Variants in TP63 observed in about 807,000 individuals in gnomAD.
The protein encoded by TP63 is tumor protein 63.
TP63 carries 17 observed loss-of-function variants against 82.8 expected under a neutral mutation model. The ratio of observed to expected loss-of-function variants is 0.21; its 90% CI spans 0.14 to 0.31. The LOEUF is 0.31. TP63 is among the 10% of genes least tolerant of loss of function. TP63 has a pLI of 1.00. For missense variants in TP63, 648 were observed against 895.3 expected, an observed-to-expected ratio of 0.72 and a Z score of 3.52; for synonymous variants, 330 against 321.7, an observed-to-expected ratio of 1.03 and a Z score of -0.28.
chr3:189,655,402 A>G (rs753769793), intron 1 of TP63, among the ~76,000 whole-genome samples: 3 of 152,146 alleles, frequency 2.0e-5, no homozygotes, highest in Non-Finnish European at 4.4e-5. Context: ...AGGCGGGTGC[A>G]TCACCTGAGG....
the TP63 span, among the ~76,000 whole-genome samples, chr3:189,617,873 C>T: frequency 6.6e-6 from 1 of 152,274 alleles, no homozygotes; most frequent in South Asian, 2.1e-4. Flanking sequence ...GGTCTTCAAA[C>T]ACAGTAAGCT....
chr3:189,761,372 A>G (rs1411702074), intron 3 of TP63, among the ~76,000 whole-genome samples: 1 of 152,168 alleles, frequency 6.6e-6, no homozygotes, highest in Non-Finnish European at 1.5e-5. Context: ...CAGATACCCT[A>G]AATTATCTCA....
intron 3 of TP63, among the ~76,000 whole-genome samples, chr3:189,774,968 A>G (rs551443013): frequency 3.3e-5 from 5 of 152,332 alleles, no homozygotes; most frequent in African/African-American, 1.2e-4. Context: ...CTGTAATCCC[A>G]GCACTTTGGG....
chr3:189,828,011 C>G lies in TP63; in HGVS notation c.579+19485C>G, dbSNP rs529893643. 4.9e-4 allele frequency among the ~76,000 whole-genome samples: 75 copies of G among 152,228 alleles called. No individual in the cohort carries two copies. In the South Asian group the frequency reaches 0.015, roughly 31 times the overall value. On this transcript the variant is annotated intron_variant, in intron 4 of 13. Transcript: ENST00000264731. ...ATCCCAGCACTTTGGGAGGCCGAGGCTGGTGGATCACCTGAGGTCTGGAGT... is the reference window on the plus strand; with the variant it reads ...ATCCCAGCACTTTGGGAGGCCGAGGGTGGTGGATCACCTGAGGTCTGGAGT...
At chr3:189,874,976 CCTGT>C (rs1446050692) in intron 10 of TP63, among the ~76,000 whole-genome samples, 127 of 145,874 alleles carry the variant, frequency 8.7e-4, no homozygotes, top group African/African-American at 3.0e-3. Context: ...AGTACTCTTT[CCTGT>C]CTTTTTTTTT....
At chr3:189,813,574 C>T (rs1008692498) in intron 4 of TP63, among the ~76,000 whole-genome samples, 2 of 148,860 alleles carry the variant, frequency 1.3e-5, no homozygotes, top group East Asian at 1.9e-4. Context: ...TGTGTGCATA[C>T]GCCATGAAAA....
intron 1 of TP63, among the ~76,000 whole-genome samples, chr3:189,694,790 C>CTTTTTTTTTTGTTTTTTTTTTTTTT (rs1717225847): frequency 3.1e-5 from 1 of 32,730 alleles, no homozygotes; most frequent in Non-Finnish European, 5.4e-5. Context: ...TATTTACAGC[C>CTTTTTTTTTTGTTTTTTTTTTTTTT]TTTTTTTTTT....
At chr3:189,752,792 A>G (rs1160539816) in intron 3 of TP63, among the ~76,000 whole-genome samples, 1 of 152,034 alleles carries the variant, frequency 6.6e-6, no homozygotes, top group Admixed American at 6.6e-5. Flanking sequence ...ATTCATTGCT[A>G]TAAGTTTTCT....
intron 10 of TP63, chr3:189,881,270 C>CT (rs150573954): frequency 0.013 from 12,934 of 985,124 alleles, 106 homozygotes; most frequent in Non-Finnish European, 0.014. Context: ...GACTACTTTT[C>CT]TTTTTTTTAC....
chr3:189,662,081 T>G (rs1270620142), intron 1 of TP63, among the ~76,000 whole-genome samples: 1 of 152,068 alleles, frequency 6.6e-6, no homozygotes, highest in Non-Finnish European at 1.5e-5. Context: ...TGCTCTGATT[T>G]TAGTCATTTC....
intron 4 of TP63, among the ~76,000 whole-genome samples, chr3:189,841,629 G>T (rs1359065854): frequency 2.0e-5 from 3 of 152,172 alleles, no homozygotes; most frequent in African/African-American, 4.8e-5. Flanking sequence ...TATCGCCAAG[G>T]ATACCTGAGT....
intron 4 of TP63, among the ~76,000 whole-genome samples, chr3:189,863,611 C>T (rs146894631): frequency 6.6e-6 from 1 of 152,246 alleles, no homozygotes; most frequent in East Asian, 1.9e-4. Flanking sequence ...CCAAACAGCC[C>T]CTTTCAGCTC....
chr3:189,681,079 A>T (rs970291074), intron 1 of TP63, among the ~76,000 whole-genome samples: 1 of 152,174 alleles, frequency 6.6e-6, no homozygotes, highest in Non-Finnish European at 1.5e-5. Flanking sequence ...TGACATGGGG[A>T]ATTGTAAAAA....
In TP63 at chr3:189,645,670, G is replaced by A. The variant is rs1334336910; in HGVS notation, c.62+14093G>A. Among the ~76,000 whole-genome samples the A allele has an allele frequency of 6.6e-5, 8 of 121,146 alleles. 2 individuals carry two copies. The highest frequency in any genetic ancestry group is 1.2e-4 in the Non-Finnish European group (7 of 58,668). 79.5% of individuals were successfully genotyped at this position (121,146 alleles called of 152,430 possible). A position where few individuals can be genotyped will look rare whatever the true frequency, so the allele number is the denominator to read the frequency against. On this transcript the variant is annotated intron_variant, in intron 1 of 13. Coordinates refer to ENST00000264731, the MANE Select transcript of TP63 (RefSeq NM_003722.5). ...ATCCCTCCCCACTCCCCCACCCCAC[G>A]ACAGGCTCCAGTGTGTGATGTTCCC...
At chr3:189,660,853 C>G (rs1176625289) in intron 1 of TP63, among the ~76,000 whole-genome samples, 2 of 143,442 alleles carry the variant, frequency 1.4e-5, no homozygotes, top group African/African-American at 2.5e-5. Flanking sequence ...TCTTGATTTG[C>G]TCTCAGCTTC....
At chr3:189,778,267 G>T (rs61137743) in intron 3 of TP63, among the ~76,000 whole-genome samples, 5 of 152,186 alleles carry the variant, frequency 3.3e-5, no homozygotes, top group Non-Finnish European at 7.3e-5. Context: ...GTATGTGGGA[G>T]AAATAAAATG....
At chr3:189,834,661 G>T (rs1251487028) in intron 4 of TP63, among the ~76,000 whole-genome samples, 1 of 152,150 alleles carries the variant, frequency 6.6e-6, no homozygotes, top group Non-Finnish European at 1.5e-5. Context: ...AAACTTGCAG[G>T]TCGCTTTCAT....
At chr3:189,710,825 C>G (rs1718540741) in intron 1 of TP63, among the ~76,000 whole-genome samples, 1 of 152,100 alleles carries the variant, frequency 6.6e-6, no homozygotes, top group South Asian at 2.1e-4. Context: ...GCTCTTCTTA[C>G]ACAGCTGTGT....
At chr3:189,777,732 A>C (rs1723907067) in intron 3 of TP63, among the ~76,000 whole-genome samples, 1 of 138,866 alleles carries the variant, frequency 7.2e-6, no homozygotes, top group Non-Finnish European at 1.5e-5. Context: ...TTTCACATGT[A>C]TTTCACCCGA....
Sources: gnomAD v4.1 joint callset for allele counts (sites outside exome capture counted in the v4.1 genomes callset) on GRCh38, gnomAD v4.1.1 for gene constraint, MANE v1.5 for transcripts, NCBI Gene and HGNC (gene_info 2026-07-23, HGNC 2026-07-21) for gene names.